ANKFN1: variants seen among roughly 807,000 people sequenced by gnomAD.
ANKFN1 encodes ankyrin repeat and fibronectin type III domain containing 1.
Under a neutral mutation model 108.7 loss-of-function variants are expected in ANKFN1, and 74 were observed. The ratio of observed to expected loss-of-function variants is 0.68; its 90% CI spans 0.56 to 0.83. ANKFN1 has a LOEUF of 0.83. Ranked by LOEUF, ANKFN1 falls within the 40% of genes least tolerant of loss-of-function variation. The pLI is 0.00. For missense variants in ANKFN1, 1,505 were observed against 1,382.3 expected, an observed-to-expected ratio of 1.09 and a Z score of -1.41; for synonymous variants, 547 against 516.2, an observed-to-expected ratio of 1.06 and a Z score of -0.81.
At chr17:56,104,488 G>T (rs1156879283) in intron 4 of ANKFN1, among the ~76,000 whole-genome samples, 1 of 152,212 alleles carries the variant, frequency 6.6e-6, no homozygotes, top group Non-Finnish European at 1.5e-5. Flanking sequence ...CTGACACCCA[G>T]TTCAGCACAC....
chr17:56,412,042 A>C (rs1367208926), intron 8 of ANKFN1, among the ~76,000 whole-genome samples: 1 of 152,110 alleles, frequency 6.6e-6, no homozygotes, highest in East Asian at 1.9e-4. Context: ...GATTTTTTGG[A>C]AGAGTTTAAG....
intron 8 of ANKFN1, among the ~76,000 whole-genome samples, chr17:56,386,494 G>GA (rs967717188): frequency 2.8e-5 from 4 of 142,942 alleles, no homozygotes; most frequent in African/African-American, 7.7e-5. Flanking sequence ...AAATAAAAAA[G>GA]AAAAAAAAGA....
intron 4 of ANKFN1, among the ~76,000 whole-genome samples, chr17:56,135,098 A>G (rs1907520273): frequency 1.3e-5 from 2 of 152,200 alleles, no homozygotes; most frequent in Non-Finnish European, 2.9e-5. Flanking sequence ...CTCAGACAGG[A>G]TGAGTGGCCT....
At chr17:56,416,398 T>A (rs1042791217) in intron 8 of ANKFN1, among the ~76,000 whole-genome samples, 1 of 152,162 alleles carries the variant, frequency 6.6e-6, no homozygotes, top group Non-Finnish European at 1.5e-5. Flanking sequence ...GCAAAAGATA[T>A]GAATAAGCAT....
chr17:56,058,026 G>A (rs554484515), intron 4 of ANKFN1, among the ~76,000 whole-genome samples: 54 of 152,248 alleles, frequency 3.5e-4, no homozygotes, highest in African/African-American at 1.1e-3. Context: ...ACACCATGCC[G>A]TACACAGATG....
chr17:56,343,425 T>C (rs2159967), intron 4 of ANKFN1, among the ~76,000 whole-genome samples: 75,641 of 151,766 alleles, frequency 0.5, 19,248 homozygotes, highest in Middle Eastern at 0.57. Flanking sequence ...TTACCACTTC[T>C]TTTTGGCCCC....
chr17:56,440,186 T>G lies in ANKFN1; in HGVS notation c.911-141T>G, dbSNP rs1877494576. On this transcript the variant is annotated intron_variant, in intron 8 of 20. Coordinates refer to ENST00000682825, the MANE Select transcript of ANKFN1 (RefSeq NM_001370326.1). ...TAACATCTCAAGGAATGTTGTCTGATACACCAATATAAAGAAAGGAGGGTG... is the reference window on the plus strand; with the variant it reads ...TAACATCTCAAGGAATGTTGTCTGAGACACCAATATAAAGAAAGGAGGGTG... 1.1e-5 allele frequency: 5 copies of G among 440,604 alleles called. No individual in the cohort carries two copies. In the East Asian group the frequency reaches 1.7e-4, roughly 15 times the overall value. The allele number at this position is 440,604 out of a possible 1,614,324, so 27.3% of individuals were successfully genotyped here.
chr17:56,358,412 T>C (rs1038974024), intron 6 of ANKFN1, among the ~76,000 whole-genome samples: 12 of 152,170 alleles, frequency 7.9e-5, no homozygotes, highest in Non-Finnish European at 1.2e-4. Flanking sequence ...ATGTGTTCTT[T>C]ATAGGCATAG....
At chr17:56,396,802 C>T (rs1236793609) in intron 8 of ANKFN1, among the ~76,000 whole-genome samples, 1 of 151,920 alleles carries the variant, frequency 6.6e-6, no homozygotes, top group Non-Finnish European at 1.5e-5. Context: ...CCAGTATATG[C>T]CAGAATCAAA....
At chr17:56,206,142 A>T (rs1233023245) in intron 1 of ANKFN1, among the ~76,000 whole-genome samples, 1 of 152,182 alleles carries the variant, frequency 6.6e-6, no homozygotes, top group Non-Finnish European at 1.5e-5. Flanking sequence ...ATTTTGGAGA[A>T]AATGCCCACC....
At chr17:56,456,700 G>C (rs957322460) in intron 11 of ANKFN1, among the ~76,000 whole-genome samples, 161 bp from the exon 12 acceptor site, 2 of 151,872 alleles carry the variant, frequency 1.3e-5, no homozygotes, top group African/African-American at 4.8e-5. Context: ...CCGGCTACAA[G>C]AGCTTCTTAT....
chr17:56,467,791 G>GAAGAAAGAAAGAAAGA (rs1555660585), intron 15 of ANKFN1, among the ~76,000 whole-genome samples: 15 of 55,060 alleles, frequency 2.7e-4, no homozygotes, highest in Non-Finnish European at 3.2e-4. Context: ...AAGAAAGAAA[G>GAAGAAAGAAAGAAAGA]AAGAAAGAAA....
intron 8 of ANKFN1, among the ~76,000 whole-genome samples, chr17:56,431,859 TTG>T (rs2048767700): frequency 1.3e-5 from 2 of 152,216 alleles, no homozygotes; most frequent in South Asian, 4.1e-4. Context: ...ATCTTGGTCT[TTG>T]TGTGTGTAAA....
intron 4 of ANKFN1, among the ~76,000 whole-genome samples, chr17:56,112,889 A>C (rs979920345): frequency 6.6e-6 from 1 of 152,222 alleles, no homozygotes; most frequent in East Asian, 1.9e-4. Context: ...ATATATACAC[A>C]TGCATACATA....
At chr17:56,375,774 C>T (rs539257004) in intron 8 of ANKFN1, among the ~76,000 whole-genome samples, 26 of 152,118 alleles carry the variant, frequency 1.7e-4, no homozygotes, top group Admixed American at 3.9e-4. Context: ...CTAATGCTTA[C>T]GTAGCACCGA....
At chr17:56,271,621 T>G (rs1203652260) in intron 3 of ANKFN1, among the ~76,000 whole-genome samples, 1 of 152,106 alleles carries the variant, frequency 6.6e-6, no homozygotes, top group Non-Finnish European at 1.5e-5. Context: ...GGCCATTGAG[T>G]CAGCTGCTGT....
chr17:56,423,181 C>T (rs1158471089), intron 8 of ANKFN1, among the ~76,000 whole-genome samples: 1 of 152,192 alleles, frequency 6.6e-6, no homozygotes, highest in African/African-American at 2.4e-5. Flanking sequence ...AGTGAATGAG[C>T]TGAGCAGATC....
intron 4 of ANKFN1, among the ~76,000 whole-genome samples, chr17:56,083,322 C>T (rs1905270416): frequency 6.6e-6 from 1 of 151,458 alleles, no homozygotes; most frequent in East Asian, 1.9e-4. Flanking sequence ...GTATTTTGTG[C>T]ACCTATCATG....
rs1156477373 is a variant in ANKFN1, at chr17:56,372,708, G to A, written c.664G>A (p.Val222Met). 1.2e-6 allele frequency: 2 copies of A among 1,614,042 alleles called. No homozygotes were observed. The highest frequency in any genetic ancestry group is 2.2e-5 in the East Asian group (1 of 44,870). ...ACTGGTCCAGGAAGCCCAGGAGAGG[G>A]TGAGTGAACTGTCTGCCCAGGTGGA... ...NTLVQEAQER[V>M]SELSAQVENE... Residue 222 changes from valine to methionine, a missense_variant, in exon 7 of 21, where the codon GTG (valine) becomes ATG (methionine). Coordinates refer to ENST00000682825, the MANE Select transcript of ANKFN1 (RefSeq NM_001370326.1).
Sources: gnomAD v4.1 joint callset for allele counts (sites outside exome capture counted in the v4.1 genomes callset) on GRCh38, gnomAD v4.1.1 for gene constraint, MANE v1.5 for transcripts, NCBI Gene and HGNC (gene_info 2026-07-23, HGNC 2026-07-21) for gene names.